The following SEMA5A variants were observed in gnomAD, a reference collection of about 807,000 sequenced individuals.
The protein encoded by SEMA5A is semaphorin-5A.
SEMA5A carries 55 observed loss-of-function variants against 135.5 expected under a neutral mutation model. The ratio of observed to expected loss-of-function variants is 0.41; its 90% CI spans 0.33 to 0.51. The LOEUF (loss-of-function observed/expected upper bound fraction) is 0.51. SEMA5A is among the 20% of genes least tolerant of loss of function. The pLI, the probability that SEMA5A is intolerant of heterozygous loss-of-function variation, is 0.37. For missense variants in SEMA5A, 1,290 were observed against 1,419.9 expected, an observed-to-expected ratio of 0.91 and a Z score of 1.47; for synonymous variants, 580 against 546.5, an observed-to-expected ratio of 1.06 and a Z score of -0.85.
chr5:9,406,684 T>C (rs1756899872), intron 2 of SEMA5A, among the ~76,000 whole-genome samples: 1 of 152,146 alleles, frequency 6.6e-6, no homozygotes, highest in African/African-American at 2.4e-5. Flanking sequence ...AGAAGAAACA[T>C]ATATAGGTTA....
At chr5:9,086,497 G>A (rs752116881) in intron 16 of SEMA5A, among the ~76,000 whole-genome samples, 7 of 152,092 alleles carry the variant, frequency 4.6e-5, no homozygotes, top group South Asian at 2.1e-4. Context: ...CTTGTCTGCC[G>A]CCATTTGAGA....
chr5:9,348,198 G>A (rs192663157), intron 3 of SEMA5A, among the ~76,000 whole-genome samples: 1 of 152,186 alleles, frequency 6.6e-6, no homozygotes, highest in Non-Finnish European at 1.5e-5. Flanking sequence ...CTTCCCTTTT[G>A]TTTATAACTT....
Position 9,124,549 on chromosome 5 carries a change from C to G in SEMA5A, c.1600-1712G>C, listed in dbSNP as rs1741001749. 1.3e-5 allele frequency among the ~76,000 whole-genome samples: 2 copies of G among 152,090 alleles called. 1 individual carries two copies. The highest frequency in any genetic ancestry group is 6.3e-3 in the Middle Eastern group (2 of 316). On this transcript the variant is annotated intron_variant, in intron 13 of 22. Coordinates refer to ENST00000382496, the MANE Select transcript of SEMA5A (RefSeq NM_003966.3). Reference sequence around the variant, plus strand: ...TTGGCTCACTGCAACCTCCACCTCCCAGGTTCAAACGATTCTCATGCCTCA... The same window carrying G: ...TTGGCTCACTGCAACCTCCACCTCCGAGGTTCAAACGATTCTCATGCCTCA...
chr5:9,049,596 G>A (rs878940976), intron 21 of SEMA5A, among the ~76,000 whole-genome samples: 1 of 152,228 alleles, frequency 6.6e-6, no homozygotes, highest in Admixed American at 6.5e-5. Context: ...GGCTCTCTGA[G>A]ACACCCTGTG....
chr5:9,357,530 C>T (rs898485812), intron 3 of SEMA5A, among the ~76,000 whole-genome samples: 4 of 152,144 alleles, frequency 2.6e-5, no homozygotes, highest in Admixed American at 1.3e-4. Flanking sequence ...TGCTCCTCCC[C>T]AAACATAAAC....
chr5:9,439,221 C>T (rs868177714), intron 1 of SEMA5A, among the ~76,000 whole-genome samples: 11 of 152,338 alleles, frequency 7.2e-5, no homozygotes, highest in African/African-American at 2.6e-4. Context: ...GCCAGGGAAG[C>T]ACACTCAGTC....
intron 2 of SEMA5A, among the ~76,000 whole-genome samples, chr5:9,384,599 G>GATAGATAGATAGATAC (rs1755767681): frequency 1.9e-4 from 21 of 112,844 alleles, no homozygotes; most frequent in Non-Finnish European, 1.8e-4. Flanking sequence ...TAGATAGATA[G>GATAGATAGATAGATAC]ATAGATAGAT....
At position 9,222,279 on chromosome 5, in the gene SEMA5A, A is replaced by C. The variant is rs556557060; in HGVS notation, c.646+2395T>G. ...GACCAGAATCCATCCTGGATGGAGG[A>C]TCAATCAGAGAAGCGAATCAGGGTC... On this transcript the variant is annotated intron_variant, in intron 8 of 22. Coordinates refer to ENST00000382496, the MANE Select transcript of SEMA5A (RefSeq NM_003966.3). Among the ~76,000 whole-genome samples, 20 of 152,278 alleles carry C rather than the reference A, an allele frequency of 1.3e-4. 1 individual carries two copies. The highest frequency in any genetic ancestry group is 4.1e-4 in the South Asian group (2 of 4,820).
intron 3 of SEMA5A, among the ~76,000 whole-genome samples, chr5:9,368,805 G>A (rs1340514130): frequency 1.3e-5 from 2 of 151,952 alleles, no homozygotes; most frequent in African/African-American, 4.8e-5. Context: ...TGAACTTTTG[G>A]GTTGTTTCCA....
intron 8 of SEMA5A, among the ~76,000 whole-genome samples, chr5:9,215,970 G>A (rs1032865389): frequency 6.6e-6 from 1 of 152,072 alleles, no homozygotes; most frequent in Non-Finnish European, 1.5e-5. Context: ...TTAAACACAG[G>A]CTATATATGA....
chr5:9,299,815 A>C (rs1447046459), intron 5 of SEMA5A, among the ~76,000 whole-genome samples: 1 of 152,168 alleles, frequency 6.6e-6, no homozygotes, highest in Non-Finnish European at 1.5e-5. Context: ...CACAGACAAA[A>C]GCCATACTTC....
chr5:9,489,593 C>T (rs1734901933), intron 1 of SEMA5A, among the ~76,000 whole-genome samples: 1 of 152,092 alleles, frequency 6.6e-6, no homozygotes, highest in Non-Finnish European at 1.5e-5. Flanking sequence ...TTGAGAAAAC[C>T]ACTCTTCAAA....
At position 9,063,002 on chromosome 5, in the gene SEMA5A, G is replaced by C. The variant is rs932002403; in HGVS notation, c.2403C>G (p.Ser801Arg). ...CACGCTTCCGGTTCCGAATGCCCCT[G>C]CTGCAGTCACGGCTGCACTGTGACC... The part of the protein sequence containing the change: ...TSWSQCSRDC[S>R]RGIRNRKRVC... Residue 801 changes from serine (S) to arginine (R), a missense_variant, in exon 18 of 23, where the codon AGC (serine) becomes AGG (arginine). Ser to Arg is a moderately radical substitution (Grantham distance 110). Around this residue, in one of 3 missense-constraint regions of SEMA5A, gnomAD observed 1,029 missense variants for 1,086.6 expected, o/e 0.95. Transcript: ENST00000382496. 3 of 1,614,226 alleles carry C rather than the reference G, an allele frequency of 1.9e-6. No homozygotes were observed. The highest frequency in any genetic ancestry group is 1.7e-6 in the Non-Finnish European group (2 of 1,180,034).
chr5:9,377,548 A>G (rs548899487), intron 3 of SEMA5A, among the ~76,000 whole-genome samples: 1 of 152,200 alleles, frequency 6.6e-6, no homozygotes, highest in Non-Finnish European at 1.5e-5. Flanking sequence ...ACAAAAAAAA[A>G]AGAGAGAGAA....
intron 1 of SEMA5A, among the ~76,000 whole-genome samples, chr5:9,540,735 C>T (rs943301492): frequency 5.9e-5 from 9 of 152,174 alleles, no homozygotes; most frequent in Non-Finnish European, 1.3e-4. Context: ...ATGTCCCTGG[C>T]CTCCGAAGCG....
intron 2 of SEMA5A, among the ~76,000 whole-genome samples, chr5:9,393,160 T>C (rs1756239975): frequency 6.6e-6 from 1 of 152,214 alleles, no homozygotes; most frequent in Non-Finnish European, 1.5e-5. Flanking sequence ...CCCCCAAGTG[T>C]GTTCACTTCT....
At chr5:9,068,593 T>A (rs556296322) in intron 16 of SEMA5A, among the ~76,000 whole-genome samples, 1 of 152,232 alleles carries the variant, frequency 6.6e-6, no homozygotes, top group African/African-American at 2.4e-5. Flanking sequence ...TCCTATCATC[T>A]GCTGGACAGA....
intron 17 of SEMA5A, among the ~76,000 whole-genome samples, chr5:9,065,103 C>A (rs1737392236): frequency 6.6e-6 from 1 of 152,196 alleles, no homozygotes; most frequent in African/African-American, 2.4e-5. Flanking sequence ...TGAAAGCAGA[C>A]TTTTTTATTT....
At chr5:9,254,797 C>T (rs40713) in intron 5 of SEMA5A, among the ~76,000 whole-genome samples, 86,637 of 151,770 alleles carry the variant, frequency 0.57, 24,762 homozygotes, top group East Asian at 0.72. Context: ...TGATCAGATG[C>T]GCAGTTTAGA....
Sources: gnomAD v4.1 joint callset for allele counts (sites outside exome capture counted in the v4.1 genomes callset) on GRCh38, gnomAD v4.1.1 for gene constraint, gnomAD v4.1.1 regional missense constraint, MANE v1.5 for transcripts, NCBI Gene and HGNC (gene_info 2026-07-23, HGNC 2026-07-21) for gene names.